Variants in FER1L6 observed in about 807,000 individuals in gnomAD.
FER1L6 encodes fer-1-like protein 6.
FER1L6 carries 177 observed loss-of-function variants against 219.2 expected under a neutral mutation model. The observed-to-expected ratio is 0.81, with a 90% CI of 0.71 to 0.91. The LOEUF (loss-of-function observed/expected upper bound fraction) is 0.91, where lower values mean the gene tolerates loss of function less well. FER1L6 is among the 40% of genes least tolerant of loss of function. The pLI, the probability that FER1L6 is intolerant of heterozygous loss-of-function variation, is 0.00. For synonymous variants in FER1L6, 768 were observed against 824.3 expected (o/e 0.93, Z 1.17); for missense variants, 2,153 against 2,259.9 (o/e 0.95, Z 0.96).
chr8:124,091,261 T>C (rs560114931), intron 33 of FER1L6, among the ~76,000 whole-genome samples, 162 bp from the exon 34 acceptor site: 2 of 152,372 alleles, frequency 1.3e-5, no homozygotes, highest in African/African-American at 4.8e-5. Context: ...CTCAGAAGTC[T>C]TGCCTTTCAG....
At chr8:124,062,709 G>A (rs1820641258) in intron 25 of FER1L6, among the ~76,000 whole-genome samples, 1 of 151,990 alleles carries the variant, frequency 6.6e-6, no homozygotes, top group Non-Finnish European at 1.5e-5. Context: ...TCCATGATCA[G>A]TGCTGCAATG....
intron 1 of FER1L6, among the ~76,000 whole-genome samples, chr8:123,865,682 G>A (rs1816823608): frequency 6.6e-6 from 1 of 151,194 alleles, no homozygotes; most frequent in South Asian, 2.1e-4. Flanking sequence ...ATAGTCTCGT[G>A]GTGAGCCGTT....
intron 1 of FER1L6, among the ~76,000 whole-genome samples, chr8:123,899,142 G>A (rs1351813376): frequency 6.6e-6 from 1 of 151,926 alleles, no homozygotes; most frequent in Non-Finnish European, 1.5e-5. Flanking sequence ...AGTGTTCCCT[G>A]ATTACCACAT....
Position 123,973,551 on chromosome 8 carries a change from C to G in FER1L6, c.526+39C>G, listed in dbSNP as rs1342905616. ...ACCTCCCCATCTGTATCTCACTTGTCTTTGGTTTATAGCACCTGGAGTCAT... is the reference window on the plus strand; with the variant it reads ...ACCTCCCCATCTGTATCTCACTTGTGTTTGGTTTATAGCACCTGGAGTCAT... On this transcript the variant is annotated intron_variant, in intron 7 of 40. Transcript: ENST00000522917. 3 of 1,508,282 alleles carry G rather than the reference C, an allele frequency of 2.0e-6. No homozygotes were observed. The African/African-American group carries it at 4.1e-5, about 21-fold the overall frequency. The allele number at this position is 1,508,282 out of a possible 1,614,324, so 93.4% of individuals were successfully genotyped here.
intron 18 of FER1L6, among the ~76,000 whole-genome samples, chr8:124,027,958 CT>C (rs1818784131): frequency 6.6e-6 from 1 of 152,202 alleles, no homozygotes; most frequent in East Asian, 1.9e-4. Context: ...TTTTCTTTAA[CT>C]TTCTCCATTC....
At chr8:123,971,649 C>T (rs931506457) in intron 6 of FER1L6, among the ~76,000 whole-genome samples, 1 of 152,218 alleles carries the variant, frequency 6.6e-6, no homozygotes, top group Admixed American at 6.5e-5. Flanking sequence ...AAAATAAAAT[C>T]TTCCCTTGAG....
chr8:124,110,299 G>C (rs944310368), intron 39 of FER1L6, among the ~76,000 whole-genome samples: 4 of 152,140 alleles, frequency 2.6e-5, no homozygotes, highest in African/African-American at 9.7e-5. Context: ...CAATTTTATA[G>C]AGAAGGAAGC....
intron 18 of FER1L6, among the ~76,000 whole-genome samples, chr8:124,031,001 T>C (rs1818940581): frequency 1.3e-5 from 2 of 152,204 alleles, no homozygotes; most frequent in African/African-American, 4.8e-5. Flanking sequence ...TCACAGCTTT[T>C]TGATGCATTT....
intron 1 of FER1L6, among the ~76,000 whole-genome samples, chr8:123,913,221 A>G (rs973505268): frequency 6.6e-6 from 1 of 151,228 alleles, no homozygotes; most frequent in African/African-American, 2.4e-5. Flanking sequence ...CCTACTAACT[A>G]CAGAAAGTAT....
chr8:124,072,858 A>G (rs1821135613), intron 31 of FER1L6, among the ~76,000 whole-genome samples: 1 of 152,236 alleles, frequency 6.6e-6, no homozygotes, highest in Non-Finnish European at 1.5e-5. Flanking sequence ...TCAGGAAGTC[A>G]CTTGGGTTTT....
At chr8:124,003,466 T>TTTC in intron 13 of FER1L6, 119 bp downstream of exon 13, 1 of 724,820 alleles carries the variant, frequency 1.4e-6, no homozygotes, top group Non-Finnish European at 2.1e-6. Flanking sequence ...TTTTTTTTTT[T>TTTC]TTTTTTTTTT....
intron 12 of FER1L6, among the ~76,000 whole-genome samples, chr8:123,998,226 T>A (rs761731823): frequency 6.6e-6 from 1 of 152,166 alleles, no homozygotes. Context: ...TGCATCTGAA[T>A]TAGAGGGAAC....
intron 32 of FER1L6, among the ~76,000 whole-genome samples, chr8:124,078,702 T>G (rs1821396116): frequency 2.8e-4 from 4 of 14,370 alleles, no homozygotes; most frequent in African/African-American, 1.3e-3. Flanking sequence ...TGGGAAGGCA[T>G]CCCAGGTGGG....
rs374438333 is a variant in FER1L6 at position 123,956,043 on chromosome 8, G to T, written c.45G>T (p.Lys15Asn). 3 of 1,612,330 alleles carry T rather than the reference G, an allele frequency of 1.9e-6. No homozygotes were observed. The African/African-American group carries it at 4.0e-5, about 22-fold the overall frequency. ...AGAAGAAGAGAAATAAGGCAGAGAA[G>T]GGGTTAATCCTAGCCAACAAGGCTG... ...KVKKKRNKAE[K>N]GLILANKAAK... Residue 15 changes from lysine to asparagine, a missense_variant, in exon 2 of 41, where the codon AAG (lysine) becomes AAT (asparagine). Lys to Asn is a moderately conservative substitution (Grantham distance 94). Transcript: ENST00000522917.
intron 13 of FER1L6, among the ~76,000 whole-genome samples, chr8:124,006,829 A>T (rs925549628): frequency 6.6e-6 from 1 of 152,152 alleles, no homozygotes; most frequent in Non-Finnish European, 1.5e-5. Context: ...AAGAAGCCAC[A>T]GCATCCTTGT....
intron 1 of FER1L6, among the ~76,000 whole-genome samples, chr8:123,935,308 C>T (rs1586484904): frequency 6.6e-6 from 1 of 152,120 alleles, no homozygotes; most frequent in Admixed American, 6.5e-5. Flanking sequence ...CAGGGAGCCC[C>T]TTCTGTTTGG....
intron 1 of FER1L6, among the ~76,000 whole-genome samples, chr8:123,940,716 A>C (rs1586491423): frequency 6.6e-6 from 1 of 152,206 alleles, no homozygotes; most frequent in Non-Finnish European, 1.5e-5. Flanking sequence ...ATTGAATTGT[A>C]AAGAAAATTC....
At chr8:124,088,715 G>A (rs1821891123) in intron 33 of FER1L6, among the ~76,000 whole-genome samples, 1 of 152,034 alleles carries the variant, frequency 6.6e-6, no homozygotes, top group Non-Finnish European at 1.5e-5. Flanking sequence ...TAGTCAGTAG[G>A]AAATAAATCC....
At chr8:124,024,323 A>C (rs1325862456) in intron 18 of FER1L6, among the ~76,000 whole-genome samples, 1 of 151,986 alleles carries the variant, frequency 6.6e-6, no homozygotes, top group Admixed American at 6.6e-5. Context: ...CAATGTATGA[A>C]TAGGTAGTTT....
Sources: gnomAD v4.1 joint callset for allele counts (sites outside exome capture counted in the v4.1 genomes callset) on GRCh38, gnomAD v4.1.1 for gene constraint, MANE v1.5 for transcripts, NCBI Gene and HGNC (gene_info 2026-07-23, HGNC 2026-07-21) for gene names.